The following ASTN1 variants were observed in gnomAD, a reference collection of about 807,000 sequenced individuals.
ASTN1 encodes astrotactin 1, also known as astrotactin-1.
ASTN1 carries 41 observed loss-of-function variants against 140.7 expected under a neutral mutation model. The ratio of observed to expected loss-of-function variants is 0.29; its 90% CI spans 0.23 to 0.38. The LOEUF is 0.38. Among genes scored for constraint, ASTN1 ranks in the 10% least tolerant of loss-of-function variants. The pLI is 1.00. For missense variants in ASTN1, 1,479 were observed against 1,678.8 expected, an observed-to-expected ratio of 0.88 and a Z score of 2.08; for synonymous variants, 640 against 652.2, an observed-to-expected ratio of 0.98 and a Z score of 0.29.
Position 176,894,565 on chromosome 1 carries a change from C to T in ASTN1, c.2937G>A (p.Gln979=), listed in dbSNP as rs756032018. The change falls in exon 17 of 23, where the codon CAG becomes CAA. Residue 979 remains glutamine (Q), a synonymous_variant. Transcript: ENST00000361833. ...CCAAGAGTCCCAGGCCTCTTACCCT[C>T]TGGGTCTGGTTGTTGGTCACTAGTT... ...IYELVTNNQT[Q]RLLQEATMSS... 1 of 1,613,942 alleles carries T rather than the reference C, an allele frequency of 6.2e-7. No homozygotes were observed. The highest frequency in any genetic ancestry group is 8.5e-7 in the Non-Finnish European group (1 of 1,179,998).
rs1667983886 is a variant in ASTN1 at position 176,862,008 on chromosome 1, C to G, written c.*2276G>C. 1.0e-6 allele frequency: 1 copy of G among 985,368 alleles called. No homozygotes were observed. Among genetic ancestry groups the G allele is most frequent in the African/African-American group, 1.7e-5 (1 of 57,236 alleles). 61.0% of individuals were successfully genotyped at this position (985,368 alleles called of 1,614,324 possible). ...CATCGGCAGCCTCACCCTCCTTTCA[C>G]TCAAGCTTAAAACACCGTGTTCTGC... On this transcript the variant is annotated 3_prime_UTR_variant, in exon 23 of 23. Transcript: ENST00000361833.
At chr1:176,898,109 A>G (rs552436538) in intron 16 of ASTN1, among the ~76,000 whole-genome samples, 2 of 152,280 alleles carry the variant, frequency 1.3e-5, no homozygotes, top group African/African-American at 4.8e-5. Context: ...GGCGATCCCA[A>G]TTAAAATCAA....
intron 18 of ASTN1, among the ~76,000 whole-genome samples, chr1:176,886,631 G>T (rs1669042437): frequency 6.6e-6 from 1 of 152,238 alleles, no homozygotes; most frequent in African/African-American, 2.4e-5. Flanking sequence ...GACAAGAGAA[G>T]AAATTGGCTT....
At chr1:176,884,300 C>T (rs1358733637) in intron 19 of ASTN1, 39 bp downstream of exon 19, 1 of 1,590,532 alleles carries the variant, frequency 6.3e-7, no homozygotes, top group African/African-American at 1.3e-5. Flanking sequence ...GTTTTATCAC[C>T]TTGGATCAAG....
chr1:177,129,452 C>T (rs1191406347), intron 1 of ASTN1, among the ~76,000 whole-genome samples: 1 of 152,154 alleles, frequency 6.6e-6, no homozygotes, highest in Non-Finnish European at 1.5e-5. Context: ...TCAATGCCAC[C>T]GCCAGATCTA....
intron 1 of ASTN1, among the ~76,000 whole-genome samples, chr1:177,151,897 A>G (rs1431084538): frequency 6.6e-6 from 1 of 152,092 alleles, no homozygotes; most frequent in East Asian, 1.9e-4. Context: ...CACTCCTCCC[A>G]TGTGTTTGTA....
intron 16 of ASTN1, among the ~76,000 whole-genome samples, chr1:176,899,260 A>G (rs1282450773): frequency 6.6e-6 from 1 of 152,160 alleles, no homozygotes; most frequent in Non-Finnish European, 1.5e-5. Context: ...AAAGCTCAAC[A>G]TGTCATTGTG....
chr1:177,149,417 T>C (rs1219415196), intron 1 of ASTN1, among the ~76,000 whole-genome samples: 4 of 78,742 alleles, frequency 5.1e-5, no homozygotes, highest in African/African-American at 6.7e-5. Context: ...AATATATATA[T>C]AGTATATATA....
intron 16 of ASTN1, among the ~76,000 whole-genome samples, chr1:176,904,966 T>C (rs1443495161): frequency 6.6e-6 from 1 of 152,214 alleles, no homozygotes; most frequent in Non-Finnish European, 1.5e-5. Context: ...CATGAGTCCC[T>C]TGAGTTTGGG....
At chr1:177,079,276 T>C (rs1410340967) in intron 1 of ASTN1, among the ~76,000 whole-genome samples, 1 of 152,124 alleles carries the variant, frequency 6.6e-6, no homozygotes, top group African/African-American at 2.4e-5. Context: ...AGAGCCTTGG[T>C]GAGGAAGCTG....
chr1:177,085,584 A>G (rs1679425071), intron 1 of ASTN1, among the ~76,000 whole-genome samples: 1 of 152,156 alleles, frequency 6.6e-6, no homozygotes. Flanking sequence ...GACCCTGGGC[A>G]GGTTCCTTGA....
chr1:177,093,521 C>T (rs748108583), intron 1 of ASTN1, among the ~76,000 whole-genome samples: 8 of 152,226 alleles, frequency 5.3e-5, no homozygotes, highest in South Asian at 2.1e-4. Flanking sequence ...TTCATTTGAT[C>T]GGTCAAAAGG....
intron 1 of ASTN1, among the ~76,000 whole-genome samples, chr1:177,079,183 A>C (rs1679062845): frequency 6.6e-6 from 1 of 152,228 alleles, no homozygotes; most frequent in Non-Finnish European, 1.5e-5. Context: ...AAATCATATT[A>C]GGTGTATAAA....
At chr1:176,897,420 G>A (rs1669564361) in intron 16 of ASTN1, among the ~76,000 whole-genome samples, 1 of 152,006 alleles carries the variant, frequency 6.6e-6, no homozygotes, top group East Asian at 1.9e-4. Context: ...GGGTCTCCTG[G>A]TTGGCTCTTA....
At chr1:177,124,302 G>A (rs1681539488) in intron 1 of ASTN1, among the ~76,000 whole-genome samples, 2 of 152,174 alleles carry the variant, frequency 1.3e-5, no homozygotes, top group Non-Finnish European at 2.9e-5. Context: ...CTCACAAGAA[G>A]CATCTGGAAG....
chr1:176,944,283 A>G (rs963942947), intron 13 of ASTN1, among the ~76,000 whole-genome samples: 4 of 152,012 alleles, frequency 2.6e-5, no homozygotes, highest in Admixed American at 2.6e-4. Context: ...TTGTTGGGAC[A>G]TTGTCTCACT....
chr1:177,149,873 T>G (rs1315365162), intron 1 of ASTN1, among the ~76,000 whole-genome samples: 1 of 141,562 alleles, frequency 7.1e-6, no homozygotes, highest in Non-Finnish European at 1.5e-5. Context: ...TAAATATATA[T>G]ACAGTGTATA....
At chr1:177,053,883 G>T (rs1362671344) in intron 2 of ASTN1, among the ~76,000 whole-genome samples, 1 of 152,172 alleles carries the variant, frequency 6.6e-6, no homozygotes, top group Non-Finnish European at 1.5e-5. Context: ...CTGAGCTTCT[G>T]GGGTTAGCTG....
At chr1:176,899,711 C>T (rs1296221882) in intron 16 of ASTN1, among the ~76,000 whole-genome samples, 1 of 152,144 alleles carries the variant, frequency 6.6e-6, no homozygotes, top group Non-Finnish European at 1.5e-5. Flanking sequence ...ACTGCTCAAG[C>T]CAGATGTCCT....
Sources: allele counts gnomAD v4.1 joint callset (sites outside exome capture counted in the v4.1 genomes callset), GRCh38; gene constraint gnomAD v4.1.1; transcripts MANE v1.5; gene names NCBI Gene and HGNC (gene_info 2026-07-23, HGNC 2026-07-21).